The following IRGM variants were observed in gnomAD, a reference collection of about 807,000 sequenced individuals.
The protein encoded by IRGM is immunity related GTPase M.
For synonymous variants in IRGM, 98 were observed against 80.6 expected (o/e 1.22, Z -1.16); for missense variants, 288 against 219.9 (o/e 1.31, Z -1.96).
At chr5:150,901,872 G>T (rs1315256816), downstream of IRGM, among the ~76,000 whole-genome samples, 1 of 152,110 alleles carries the variant, frequency 6.6e-6, no homozygotes, top group East Asian at 1.9e-4. Context: ...TATTCTAAGT[G>T]TATACAAAAG....
chr5:150,864,545 C>T (rs1410378492), intron 1 of IRGM, among the ~76,000 whole-genome samples: 3 of 152,204 alleles, frequency 2.0e-5, no homozygotes, highest in African/African-American at 7.2e-5. Flanking sequence ...CTCTCACCTG[C>T]AGGTCCTGTG....
intron 3 of IRGM, among the ~76,000 whole-genome samples, chr5:150,881,004 G>A (rs1176761158): frequency 6.6e-6 from 1 of 152,014 alleles, no homozygotes; most frequent in East Asian, 1.9e-4. Flanking sequence ...GCACATGCCT[G>A]TAATCCCAGC....
chr5:150,900,679 T>C (rs1033928165), exon 4 of IRGM: 1 of 152,092 alleles, frequency 6.6e-6, no homozygotes, highest in Admixed American at 6.6e-5. Context: ...TAAGAAACGT[T>C]TGTTAAATGA....
chr5:150,873,613 A>C (rs1218022129), intron 1 of IRGM, among the ~76,000 whole-genome samples: 1 of 151,724 alleles, frequency 6.6e-6, no homozygotes, highest in Non-Finnish European at 1.5e-5. Flanking sequence ...TCAGGTAATT[A>C]ATGGAGTTTT....
At chr5:150,898,138 T>C in intron 3 of IRGM, 1 of 1,613,632 alleles carries the variant, frequency 6.2e-7, no homozygotes, top group Non-Finnish European at 8.5e-7. Context: ...ATGGCTCTTC[T>C]CCTTGTTCCA....
chr5:150,895,295 A>C (rs1046404532), intron 3 of IRGM: 5 of 659,116 alleles, frequency 7.6e-6, no homozygotes, highest in Non-Finnish European at 9.6e-6. Flanking sequence ...AGGCATCACC[A>C]AACTAGAAAC....
chr5:150,876,652 T>C (rs1039598761), intron 1 of IRGM, among the ~76,000 whole-genome samples: 13 of 152,120 alleles, frequency 8.5e-5, no homozygotes, highest in African/African-American at 2.7e-4. Context: ...ATGAGGGTCA[T>C]TGGGAAACTG....
chr5:150,858,873 C>A (rs1561742560), intron 1 of IRGM, among the ~76,000 whole-genome samples: 1 of 152,176 alleles, frequency 6.6e-6, no homozygotes, highest in Non-Finnish European at 1.5e-5. Flanking sequence ...CATCTGCAAA[C>A]AGGGATAATT....
chr5:150,875,729 G>C (rs1358347905), intron 1 of IRGM, among the ~76,000 whole-genome samples: 1 of 152,196 alleles, frequency 6.6e-6, no homozygotes, highest in East Asian at 1.9e-4. Context: ...ACTCACCGAG[G>C]CTGACCTGGC....
chr5:150,847,993 A>G lies in IRGM; in HGVS notation c.-131A>G, dbSNP rs1581637504. The G allele has an allele frequency of 2.9e-6, 2 of 684,522 alleles. No individual in the cohort carries two copies. Among genetic ancestry groups the G allele is most frequent in the East Asian group, 5.5e-5 (2 of 36,462 alleles). 42.4% of individuals were successfully genotyped at this position (684,522 alleles called of 1,614,324 possible). On this transcript the variant is annotated 5_prime_UTR_variant, in exon 2 of 2. Coordinates refer to ENST00000522154, the MANE Select transcript of IRGM (RefSeq NM_001145805.2). ...TAATTTTTTTGTATTTTAGTAGAGA[A>G]GGTTTCACGATGTTGGCCAGGATGG... is the stretch of plus-strand genomic sequence containing the variant.
At chr5:150,863,707 G>T (rs911992513) in intron 1 of IRGM, among the ~76,000 whole-genome samples, 1 of 152,092 alleles carries the variant, frequency 6.6e-6, no homozygotes, top group Non-Finnish European at 1.5e-5. Flanking sequence ...TCCCCATTTT[G>T]CAATGCAAGA....
downstream of IRGM, among the ~76,000 whole-genome samples, chr5:150,849,151 A>G (rs1209559000): frequency 6.6e-6 from 1 of 152,096 alleles, no homozygotes; most frequent in Non-Finnish European, 1.5e-5. Context: ...ATCAGTAATA[A>G]TAAAGACTTC....
At chr5:150,859,887 A>G (rs1003457449) in intron 1 of IRGM, among the ~76,000 whole-genome samples, 3 of 152,104 alleles carry the variant, frequency 2.0e-5, no homozygotes, top group African/African-American at 7.2e-5. Context: ...GGATCCATCC[A>G]TTTTCAACTA....
chr5:150,870,979 C>CA lies in IRGM; in HGVS notation c.159-6990dup, dbSNP rs796691781. On this transcript the variant is annotated intron_variant and NMD_transcript_variant, in intron 1 of 3. Coordinates refer to the IRGM transcript ENST00000520549. The stretch of plus-strand genomic sequence containing the variant: ...GTCTCTGAAATGGCTAAATTCCCAC[C>CA]AAAAAAAAAAAGTGGTATGGTGGGA... Among the ~76,000 whole-genome samples the CA allele has an allele frequency of 4.7e-3, 639 of 136,394 alleles. 3 individuals carry two copies. The highest frequency in any genetic ancestry group is 0.024 in the East Asian group (112 of 4,742). The allele number at this position is 136,394 out of a possible 152,430, so 89.5% of individuals were successfully genotyped here. A position where few individuals can be genotyped will look rare whatever the true frequency, so the allele number is the denominator to read the frequency against.
At chr5:150,857,451 G>T (rs1754074123) in intron 1 of IRGM, among the ~76,000 whole-genome samples, 1 of 151,672 alleles carries the variant, frequency 6.6e-6, no homozygotes, top group Non-Finnish European at 1.5e-5. Flanking sequence ...CCCAGTAATG[G>T]GATGGCTGGG....
At chr5:150,853,874 T>C (rs1350841786) in intron 1 of IRGM, among the ~76,000 whole-genome samples, 1 of 152,056 alleles carries the variant, frequency 6.6e-6, no homozygotes, top group Non-Finnish European at 1.5e-5. Context: ...CCAACCCCAT[T>C]CTACCAATAT....
At chr5:150,892,210 T>C (rs1581655289) in intron 3 of IRGM, among the ~76,000 whole-genome samples, 1 of 97,044 alleles carries the variant, frequency 1.0e-5, no homozygotes, top group African/African-American at 7.3e-5. Flanking sequence ...TTTTATGGAG[T>C]TTTTTTTTTT....
chr5:150,861,322 T>A lies in IRGM; in HGVS notation c.158+12668T>A, dbSNP rs184740666. ...TCAAAGTATCGTAGTTTCAGGACAA[T>A]CATACCTCTTCTTTGGGGGCTGGAT... is the stretch of plus-strand genomic sequence containing the variant. On this transcript the variant is annotated intron_variant and NMD_transcript_variant, in intron 1 of 3. Coordinates refer to the IRGM transcript ENST00000520549. 9.8e-5 allele frequency among the ~76,000 whole-genome samples: 15 copies of A among 152,294 alleles called. No individual in the cohort carries two copies. In the East Asian group the frequency reaches 2.3e-3, roughly 24 times the overall value.
chr5:150,850,483 A>T (rs1271405323), downstream of IRGM, among the ~76,000 whole-genome samples: 4 of 152,232 alleles, frequency 2.6e-5, no homozygotes, highest in Non-Finnish European at 1.5e-5. Context: ...ATGTATATAT[A>T]CAATAGTTCT....
Sources: allele counts gnomAD v4.1 joint callset (sites outside exome capture counted in the v4.1 genomes callset), GRCh38; gene constraint gnomAD v4.1.1; transcripts MANE v1.5; gene names NCBI Gene and HGNC (gene_info 2026-07-23, HGNC 2026-07-21).